The following KIR2DL4 variants were observed in gnomAD, a reference collection of about 807,000 sequenced individuals.
The protein encoded by KIR2DL4 is killer cell immunoglobulin like receptor, two Ig domains and long cytoplasmic tail 4, also known as killer cell immunoglobulin-like receptor 2DL4.
In KIR2DL4, 41 loss-of-function variants were observed where a neutral mutation model predicts 31.0. That is an observed-to-expected ratio of 1.32 (90% CI 1.03 to 1.72). KIR2DL4 has a LOEUF of 1.72. Ranked by LOEUF, KIR2DL4 falls within the 40% of genes most tolerant of loss-of-function variation. The pLI, the probability that KIR2DL4 is intolerant of heterozygous loss-of-function variation, is 0.00. For synonymous variants in KIR2DL4, 164 were observed against 133.6 expected (o/e 1.23, Z -1.57); for missense variants, 438 against 353.7 (o/e 1.24, Z -1.91).
At chr19:54,807,893 T>A (rs2060622395) in intron 4 of KIR2DL4, among the ~76,000 whole-genome samples, 1 of 150,492 alleles carries the variant, frequency 6.6e-6, no homozygotes, top group Non-Finnish European at 1.5e-5. Flanking sequence ...TGTAATGGGG[T>A]GAGATGATAG....
At chr19:54,806,720 T>A (rs2060552343) in intron 4 of KIR2DL4, among the ~76,000 whole-genome samples, 1 of 151,080 alleles carries the variant, frequency 6.6e-6, no homozygotes. Flanking sequence ...CATAAATACC[T>A]TTATATGCTG....
exon 6 of KIR2DL4, chr19:54,813,149 T>C: frequency 6.6e-7 from 1 of 1,517,228 alleles, no homozygotes. Flanking sequence ...CTGCATGCTG[T>C]GATTAGGTAC....
intron 5 of KIR2DL4, among the ~76,000 whole-genome samples, chr19:54,809,617 C>T (rs2060735101): frequency 2.0e-5 from 3 of 151,336 alleles, no homozygotes. Context: ...CCTAGAGGCT[C>T]CCACATTCCT....
intron 5 of KIR2DL4, among the ~76,000 whole-genome samples, chr19:54,811,520 G>A (rs631717): frequency 0.52 from 78,837 of 150,198 alleles, 21,671 homozygotes; most frequent in East Asian, 0.71. Context: ...TATCCTATCC[G>A]TAAGAAAATC....
chr19:54,804,758 A>G, intron 2 of KIR2DL4, 35 bp from the exon 3 acceptor site: 2 of 1,598,422 alleles, frequency 1.3e-6, no homozygotes, highest in Non-Finnish European at 1.7e-6. Flanking sequence ...AGCTCAACAT[A>G]CTCCTCTCTG....
chr19:54,808,802 T>G, intron 4 of KIR2DL4, 31 bp from the exon 5 acceptor site: 1 of 1,485,950 alleles, frequency 6.7e-7, no homozygotes, highest in Non-Finnish European at 9.3e-7. Context: ...GCATCCTCAT[T>G]GCCACACCTC....
intron 4 of KIR2DL4, 111 bp downstream of exon 4, chr19:54,806,355 A>C: frequency 8.1e-7 from 1 of 1,227,786 alleles, no homozygotes; most frequent in Non-Finnish European, 1.2e-6. Flanking sequence ...AAGATGCAGC[A>C]TGGTGTGAGG....
intron 5 of KIR2DL4, chr19:54,813,059 TG>T: frequency 8.0e-7 from 1 of 1,249,382 alleles, no homozygotes; most frequent in Non-Finnish European, 1.1e-6. Context: ...AACCAAGAAA[TG>T]AGAGACAATC....
chr19:54,807,205 A>T (rs659565), intron 4 of KIR2DL4, among the ~76,000 whole-genome samples: 48,312 of 150,048 alleles, frequency 0.32, 8,537 homozygotes, highest in South Asian at 0.39. Flanking sequence ...ACAGGACGTT[A>T]CTCTTTGTAT....
At chr19:54,813,614 T>G in intron 6 of KIR2DL4, 76 bp from the exon 6 acceptor site, 1 of 1,451,902 alleles carries the variant, frequency 6.9e-7, no homozygotes, top group Non-Finnish European at 9.6e-7. Context: ...CCTCCCCCTG[T>G]GTGTTGGTAT....
At chr19:54,813,026 G>T in intron 5 of KIR2DL4, 1 of 840,336 alleles carries the variant, frequency 1.2e-6, no homozygotes, top group Non-Finnish European at 1.8e-6. Flanking sequence ...GTCTTAAAGA[G>T]GTGTTTTATG....
At position 54,813,874 on chromosome 19, in the gene KIR2DL4, A is replaced by G. The variant is rs775751248; in HGVS notation, c.*74A>G. 8.1e-6 allele frequency: 13 copies of G among 1,612,334 alleles called. No homozygotes were observed. In the African/African-American group the frequency reaches 1.7e-4, roughly 22 times the overall value. On this transcript the variant is annotated 3_prime_UTR_variant, in exon 8 of 8. Transcript: ENST00000359085. ...ATGAACAAGACCCTCAGGAGGTGAC[A>G]TACGCACAGTTGGATCACTGCATTT...
At chr19:54,814,450 C>CGATG in exon 8 of KIR2DL4, 1 of 328,774 alleles carries the variant, frequency 3.0e-6, no homozygotes. Context: ...CTGGCATCAG[C>CGATG]AAACCTTATA....
At chr19:54,804,626 T>C (rs2060384150) in intron 2 of KIR2DL4, among the ~76,000 whole-genome samples, 167 bp from the exon 3 acceptor site, 1 of 151,284 alleles carries the variant, frequency 6.6e-6, no homozygotes, top group African/African-American at 2.4e-5. Flanking sequence ...GACACTTTTG[T>C]TGTAGGGAGA....
intron 3 of KIR2DL4, among the ~76,000 whole-genome samples, 171 bp downstream of exon 3, chr19:54,805,248 G>A (rs2364437): frequency 0.028 from 4,290 of 150,590 alleles, 172 homozygotes; most frequent in Middle Eastern, 0.065. Context: ...TGTCCCCATC[G>A]ATGGCCACAT....
intron 5 of KIR2DL4, among the ~76,000 whole-genome samples, chr19:54,809,668 G>A (rs980480911): frequency 1.3e-5 from 2 of 151,186 alleles, no homozygotes; most frequent in Admixed American, 1.3e-4. Context: ...AGTCCACAAA[G>A]GCTGGTCACG....
intron 5 of KIR2DL4, among the ~76,000 whole-genome samples, chr19:54,810,914 A>G (rs368597195): frequency 6.6e-6 from 1 of 151,536 alleles, no homozygotes; most frequent in East Asian, 1.9e-4. Flanking sequence ...TGAATGAAAG[A>G]TGGACACAAG....
intron 3 of KIR2DL4, 141 bp downstream of exon 3, chr19:54,805,218 G>T: frequency 1.2e-6 from 1 of 802,034 alleles, no homozygotes; most frequent in Non-Finnish European, 1.9e-6. Flanking sequence ...GGGAATGGGT[G>T]CTGTGTTGGA....
chr19:54,808,290 T>C (rs2060647025), intron 4 of KIR2DL4, among the ~76,000 whole-genome samples: 2 of 151,004 alleles, frequency 1.3e-5, no homozygotes, highest in African/African-American at 2.5e-5. Flanking sequence ...CAGACAAATG[T>C]CCTGGAGCAT....
Sources: allele counts gnomAD v4.1 joint callset (sites outside exome capture counted in the v4.1 genomes callset), GRCh38; gene constraint gnomAD v4.1.1; transcripts MANE v1.5; gene names NCBI Gene and HGNC (gene_info 2026-07-23, HGNC 2026-07-21).